The following N4BP2 variants were observed in gnomAD, a reference collection of about 807,000 sequenced individuals.
N4BP2 encodes the protein NEDD4-binding protein 2.
N4BP2 carries 91 observed loss-of-function variants against 152.8 expected under a neutral mutation model. The observed-to-expected ratio is 0.60, with a 90% confidence interval of 0.50 to 0.71. N4BP2 has a LOEUF of 0.71. N4BP2 is among the 30% of genes least tolerant of loss of function. N4BP2 has a pLI of 0.00. For synonymous variants in N4BP2, 646 were observed against 705.3 expected (o/e 0.92, Z 1.33); for missense variants, 1,923 against 2,059.1 (o/e 0.93, Z 1.28).
At chr4:40,070,249 T>A (rs899355701) in intron 1 of N4BP2, among the ~76,000 whole-genome samples, 2 of 152,196 alleles carry the variant, frequency 1.3e-5, no homozygotes, top group African/African-American at 4.8e-5. Flanking sequence ...CTTTTAAGTA[T>A]CATATGATTG....
rs1720151793 is a variant in N4BP2 at position 40,142,785 on chromosome 4, G to A, written c.4898G>A (p.Arg1633Lys). 1.2e-6 allele frequency: 2 copies of A among 1,614,134 alleles called. No homozygotes were observed. The highest frequency in any genetic ancestry group is 1.7e-6 in the Non-Finnish European group (2 of 1,180,026). The change falls in exon 15 of 18, where the codon AGG (arginine) becomes AAG (lysine). Residue 1633 changes from arginine to lysine, a missense_variant. Coordinates refer to ENST00000261435, the MANE Select transcript of N4BP2 (RefSeq NM_018177.6). ...GAGGCTTTCCTTCACCAACAGAAGA[G>A]GATGGAGTGCTACAGCAAGGCCAAA... ...RAEAFLHQQK[R>K]MECYSKAKEA...
At chr4:40,063,535 A>T (rs528398724) in intron 1 of N4BP2, among the ~76,000 whole-genome samples, 149 of 152,314 alleles carry the variant, frequency 9.8e-4, no homozygotes, top group African/African-American at 3.4e-3. Context: ...AGCAAAAAGC[A>T]GAGCAGACCT....
At chr4:40,074,283 G>T (rs1560572379) in intron 2 of N4BP2, among the ~76,000 whole-genome samples, 1 of 151,942 alleles carries the variant, frequency 6.6e-6, no homozygotes, top group South Asian at 2.1e-4. Context: ...TAGCGATGGG[G>T]TTTCACATAT....
intron 2 of N4BP2, among the ~76,000 whole-genome samples, chr4:40,073,822 C>T (rs531437863): frequency 6.6e-6 from 1 of 151,560 alleles, no homozygotes; most frequent in African/African-American, 2.4e-5. Flanking sequence ...GGTGGAGTTT[C>T]ATTCTTGTTG....
intron 13 of N4BP2, among the ~76,000 whole-genome samples, chr4:40,134,363 C>T (rs1719165140): frequency 1.5e-5 from 2 of 137,542 alleles, no homozygotes; most frequent in African/African-American, 5.5e-5. Context: ...GTTGTGCTTC[C>T]CCAGGCAAAG....
chr4:40,088,498 T>C (rs1461185661), intron 2 of N4BP2, among the ~76,000 whole-genome samples: 1 of 144,100 alleles, frequency 6.9e-6, no homozygotes, highest in Non-Finnish European at 1.5e-5. Flanking sequence ...AATATCTCAT[T>C]ATAGTTTTTT....
rs142902061 is a variant in N4BP2, at chr4:40,125,955, C to T, written c.4331-179C>T. Among the ~76,000 whole-genome samples the T allele has an allele frequency of 2.8e-3, 418 of 151,344 alleles. 4 individuals are homozygous for T. The highest frequency in any genetic ancestry group is 9.6e-3 in the African/African-American group (395 of 41,240). On this transcript the variant is annotated intron_variant, in intron 11 of 17. Coordinates refer to ENST00000261435, the MANE Select transcript of N4BP2 (RefSeq NM_018177.6). ...TAAAATATTGCTACATTAACACATA[C>T]TATTTCTTACTTGCGATGACGTGAA...
In N4BP2 at chr4:40,120,761, G is replaced by A; in HGVS notation, c.2650G>A (p.Asp884Asn). ...IDKNSFNIMG[D>N]WPSSDSLAQR... ...CAAAAACTCATTCAACATTATGGGT[G>A]ACTGGCCTTCATCTGATTCTTTAGC... is the stretch of plus-strand genomic sequence containing the variant. The change falls in exon 9 of 18, where the codon GAC (aspartate) becomes AAC (asparagine). Residue 884 changes from aspartate (D) to asparagine (N), a missense_variant. By Grantham distance (23) the Asp-to-Asn change is conservative. Transcript: ENST00000261435. 6.2e-7 allele frequency: 1 copy of A among 1,614,146 alleles called. No homozygotes were observed. Among genetic ancestry groups the A allele is most frequent in the South Asian group, 1.1e-5 (1 of 91,072 alleles).
chr4:40,057,542 C>T (rs1359677023), intron 1 of N4BP2, among the ~76,000 whole-genome samples: 4 of 152,136 alleles, frequency 2.6e-5, no homozygotes, highest in African/African-American at 9.7e-5. Flanking sequence ...CTCACACGTT[C>T]GGATTTTGGA....
the N4BP2 span, among the ~76,000 whole-genome samples, chr4:40,168,473 A>C: frequency 6.6e-6 from 1 of 152,166 alleles, no homozygotes; most frequent in Admixed American, 6.5e-5. Flanking sequence ...AACAGGGAGA[A>C]GAACAGTGCC....
intron 2 of N4BP2, among the ~76,000 whole-genome samples, chr4:40,093,448 C>G (rs1714813584): frequency 6.6e-6 from 1 of 151,972 alleles, no homozygotes; most frequent in Non-Finnish European, 1.5e-5. Context: ...GCCGTGTCAC[C>G]CAGGCTGGAG....
intron 5 of N4BP2, among the ~76,000 whole-genome samples, chr4:40,108,729 G>A (rs1241046756): frequency 2.0e-5 from 3 of 152,100 alleles, no homozygotes; most frequent in African/African-American, 7.2e-5. Context: ...TGTCTATTCA[G>A]TGAAGATAGT....
chr4:40,127,917 T>TG (rs1360151888), intron 12 of N4BP2, among the ~76,000 whole-genome samples: 98 of 152,290 alleles, frequency 6.4e-4, no homozygotes, highest in African/African-American at 2.2e-3. Context: ...TGCCTCGGCC[T>TG]CCCAGAGTGC....
chr4:40,057,147 G>A (rs1410987510), intron 1 of N4BP2, 117 bp downstream of exon 1: 1 of 152,738 alleles, frequency 6.5e-6, no homozygotes, highest in Non-Finnish European at 1.5e-5. Flanking sequence ...GCGGCGCGGC[G>A]AATGAACCCC....
intron 5 of N4BP2, among the ~76,000 whole-genome samples, 157 bp downstream of exon 5, chr4:40,107,181 C>T (rs1384378831): frequency 6.6e-6 from 1 of 152,068 alleles, no homozygotes; most frequent in Non-Finnish European, 1.5e-5. Context: ...CTCACTGCAG[C>T]CTTGACTTCT....
intron 14 of N4BP2, among the ~76,000 whole-genome samples, chr4:40,139,701 C>T (rs1051970786): frequency 1.3e-5 from 2 of 151,608 alleles, no homozygotes; most frequent in Non-Finnish European, 2.9e-5. Context: ...CTGTCTTGGC[C>T]AAGCTGGTCT....
intron 5 of N4BP2, 95 bp downstream of exon 5, chr4:40,107,119 A>AAATCAC: frequency 7.4e-7 from 1 of 1,356,246 alleles, no homozygotes; most frequent in Non-Finnish European, 1.0e-6. Flanking sequence ...TTGTTTTTTG[A>AAATCAC]GACAGGGTCT....
intron 13 of N4BP2, among the ~76,000 whole-genome samples, chr4:40,132,426 G>T (rs1422153110): frequency 1.3e-5 from 2 of 151,960 alleles, no homozygotes; most frequent in East Asian, 3.8e-4. Context: ...GTGGTATGAG[G>T]TAGAGATTTA....
Position 40,154,527 on chromosome 4 carries a change from A to G in N4BP2, c.*290A>G. 3.3e-6 allele frequency: 1 copy of G among 306,544 alleles called. No homozygotes were observed. The highest frequency in any genetic ancestry group is 6.0e-6 in the Non-Finnish European group (1 of 166,740). 19.0% of individuals were successfully genotyped at this position (306,544 alleles called of 1,614,324 possible). A position where few individuals can be genotyped will look rare whatever the true frequency, so the allele number is the denominator to read the frequency against. On this transcript the variant is annotated 3_prime_UTR_variant, in exon 18 of 18. Coordinates refer to ENST00000261435, the MANE Select transcript of N4BP2 (RefSeq NM_018177.6). ...GTTTAAAATGCTCTGATTGTTTCTC[A>G]GAAAAGGTTACCTTTGTATTAATTG...
Sources: allele counts gnomAD v4.1 joint callset (sites outside exome capture counted in the v4.1 genomes callset), GRCh38; gene constraint gnomAD v4.1.1; transcripts MANE v1.5; gene names NCBI Gene and HGNC (gene_info 2026-07-23, HGNC 2026-07-21).